DLC1: variants seen among roughly 807,000 people sequenced by gnomAD.
DLC1 encodes the protein DLC1 Rho GTPase activating protein.
Under a neutral mutation model 140.3 loss-of-function variants are expected in DLC1, and 54 were observed. The ratio of observed to expected loss-of-function variants is 0.38; its 90% CI spans 0.31 to 0.48. The LOEUF is 0.48. Among genes scored for constraint, DLC1 ranks in the 20% least tolerant of loss-of-function variants. The pLI is 0.96. For synonymous variants in DLC1, 986 were observed against 728.1 expected (o/e 1.35, Z -5.70); for missense variants, 2,536 against 1,907.0 (o/e 1.33, Z -6.14).
intron 7 of DLC1, among the ~76,000 whole-genome samples, chr8:13,108,730 A>G (rs1311986450): frequency 1.3e-5 from 2 of 152,170 alleles, no homozygotes; most frequent in Non-Finnish European, 2.9e-5. Context: ...ATTTCCTAAG[A>G]TGCATCTCAG....
chr8:13,366,707 C>T (rs578075759), intron 4 of DLC1, among the ~76,000 whole-genome samples: 58 of 152,290 alleles, frequency 3.8e-4, no homozygotes, highest in African/African-American at 1.3e-3. Context: ...TCTCTCCTTT[C>T]GGATGCCCTC....
intron 2 of DLC1, among the ~76,000 whole-genome samples, chr8:13,434,017 G>A (rs1025546424): frequency 4.6e-5 from 7 of 152,138 alleles, no homozygotes; most frequent in South Asian, 2.1e-4. Flanking sequence ...CACCATGCCC[G>A]GCTAATTTTG....
At chr8:13,473,109 G>T (rs1003109781) in intron 2 of DLC1, among the ~76,000 whole-genome samples, 8 of 152,174 alleles carry the variant, frequency 5.3e-5, no homozygotes, top group African/African-American at 1.9e-4. Context: ...ATGCAGACTT[G>T]ATGTGCAGGA....
At chr8:13,379,344 T>A in intron 4 of DLC1, among the ~76,000 whole-genome samples, 1 of 152,080 alleles carries the variant, frequency 6.6e-6, no homozygotes, top group South Asian at 2.1e-4. Flanking sequence ...TTCCAATGAA[T>A]CCATTGTAAG....
intron 2 of DLC1, among the ~76,000 whole-genome samples, chr8:13,472,439 T>A (rs1800250953): frequency 6.6e-6 from 1 of 152,254 alleles, no homozygotes; most frequent in Admixed American, 6.5e-5. Flanking sequence ...TCCAAACTGT[T>A]TGAAATTGAT....
At chr8:13,419,609 G>C (rs537906598) in intron 2 of DLC1, among the ~76,000 whole-genome samples, 4 of 152,272 alleles carry the variant, frequency 2.6e-5, no homozygotes, top group South Asian at 2.1e-4. Context: ...GCTGCATTCT[G>C]TTTGCCAGTA....
Position 13,499,714 on chromosome 8 carries a change from AT to A in DLC1, c.357del (p.Leu119PhefsTer10). The part of the protein sequence containing the change: ...HVSDEDNNAD[L>X]CLTDDKQVLN... ...AAAACCTGTTTATCATCTGTAAGGC[AT>A]AAATCAGCATTGTTATCCTCATCAG... On this transcript the variant is annotated frameshift_variant, in exon 2 of 18. Coordinates refer to ENST00000276297, the MANE Select transcript of DLC1 (RefSeq NM_182643.3). LOFTEE classifies it high-confidence loss of function. 1 of 1,614,184 alleles carries A rather than the reference AT, an allele frequency of 6.2e-7. No homozygotes were observed. Among genetic ancestry groups the A allele is most frequent in the Non-Finnish European group, 8.5e-7 (1 of 1,180,022 alleles).
At chr8:13,349,838 G>A (rs1834551261) in intron 4 of DLC1, among the ~76,000 whole-genome samples, 1 of 152,182 alleles carries the variant, frequency 6.6e-6, no homozygotes, top group African/African-American at 2.4e-5. Context: ...ACATGAGGAG[G>A]AAAAAGAAAG....
chr8:13,578,009 TA>T (rs78733121), intron 1 of DLC1, among the ~76,000 whole-genome samples: 24,219 of 144,108 alleles, frequency 0.17, 2,163 homozygotes, highest in Middle Eastern at 0.28. Context: ...TCTATAGAAA[TA>T]AAAAAAAAAA....
At chr8:13,201,857 C>G (rs769973724) in intron 5 of DLC1, among the ~76,000 whole-genome samples, 25 of 149,650 alleles carry the variant, frequency 1.7e-4, no homozygotes, top group Non-Finnish European at 2.7e-4. Context: ...TAGGTAAACT[C>G]ATGTCACAGG....
At chr8:13,371,045 GA>G (rs1835703133) in intron 4 of DLC1, among the ~76,000 whole-genome samples, 1 of 152,206 alleles carries the variant, frequency 6.6e-6, no homozygotes, top group Non-Finnish European at 1.5e-5. Context: ...TCCTCAAATG[GA>G]AATTTGGGTT....
intron 1 of DLC1, among the ~76,000 whole-genome samples, chr8:13,533,856 T>C (rs1466504487): frequency 1.3e-5 from 2 of 152,144 alleles, no homozygotes; most frequent in African/African-American, 2.4e-5. Context: ...TTTTTCTTGC[T>C]CTCTCTCTTT....
chr8:13,485,417 T>C (rs561860795), intron 2 of DLC1, among the ~76,000 whole-genome samples: 2 of 152,322 alleles, frequency 1.3e-5, no homozygotes, highest in African/African-American at 4.8e-5. Flanking sequence ...CTACCCTATT[T>C]TCTGCTGTCT....
chr8:13,126,238 G>A (rs1458408106), intron 5 of DLC1, among the ~76,000 whole-genome samples: 1 of 150,722 alleles, frequency 6.6e-6, no homozygotes, highest in East Asian at 1.9e-4. Context: ...AGCAAAAAGA[G>A]GTCAAACTGA....
chr8:13,192,030 C>A (rs1279565938), intron 5 of DLC1, among the ~76,000 whole-genome samples: 1 of 149,990 alleles, frequency 6.7e-6, no homozygotes. Context: ...CAGCCTCTGC[C>A]TCCCGGGTTC....
chr8:13,480,559 G>T (rs1214092137), intron 2 of DLC1, among the ~76,000 whole-genome samples: 1 of 152,058 alleles, frequency 6.6e-6, no homozygotes, highest in East Asian at 1.9e-4. Context: ...TATAGGTGAA[G>T]CACAGAATGA....
chr8:13,304,447 A>C (rs913707106), intron 5 of DLC1: 2 of 162,022 alleles, frequency 1.2e-5, no homozygotes, highest in African/African-American at 4.8e-5. Context: ...CTAGCAGCAA[A>C]AATAAGGTCA....
rs141502008 is a variant in DLC1, at chr8:13,419,151, G to C, written c.1024-17532C>G. On this transcript the variant is annotated intron_variant, in intron 2 of 17. Transcript: ENST00000276297. ...TGGTTTTCTAGATATACAATCATGT[G>C]GTCTGCAAACAGGGACAATTTGACT... Among the ~76,000 whole-genome samples, 13 of 152,136 alleles carry C rather than the reference G, an allele frequency of 8.5e-5. No individual in the cohort carries two copies. The South Asian group carries it at 2.3e-3, about 27-fold the overall frequency.
intron 1 of DLC1, among the ~76,000 whole-genome samples, chr8:13,576,426 A>C (rs1361701238): frequency 6.6e-6 from 1 of 152,200 alleles, no homozygotes; most frequent in African/African-American, 2.4e-5. Context: ...GCAACAGCAT[A>C]AATAGGCATC....
Sources: allele counts gnomAD v4.1 joint callset (sites outside exome capture counted in the v4.1 genomes callset), GRCh38; gene constraint gnomAD v4.1.1; transcripts MANE v1.5; gene names NCBI Gene and HGNC (gene_info 2026-07-23, HGNC 2026-07-21).